SYNE1: variants seen among roughly 807,000 people sequenced by gnomAD.
SYNE1 encodes the protein nesprin-1.
Under a neutral mutation model 1,111.0 loss-of-function variants are expected in SYNE1, and 616 were observed. That is an observed-to-expected ratio of 0.55 (90% CI 0.52 to 0.59). The LOEUF (loss-of-function observed/expected upper bound fraction) is 0.59, where lower values mean the gene tolerates loss of function less well. Among genes scored for constraint, SYNE1 ranks in the 20% least tolerant of loss-of-function variants. The pLI is 0.00. For missense variants in SYNE1, 10,006 were observed against 10,417.0 expected (o/e 0.96, Z 1.72); for synonymous variants, 3,855 against 3,825.8 (o/e 1.01, Z -0.28).
chr6:152,543,728 G>C (rs1168283213), intron 3 of SYNE1, among the ~76,000 whole-genome samples: 1 of 152,182 alleles, frequency 6.6e-6, no homozygotes, highest in Non-Finnish European at 1.5e-5. Flanking sequence ...CAGTTGTCTA[G>C]TGATGTCCTG....
rs148522587 is a variant in SYNE1, at chr6:152,358,506, C to T, written c.10475G>A (p.Arg3492His). Residue 3492 changes from arginine (R) to histidine (H), a missense_variant, in exon 66 of 146, where the codon CGC becomes CAC. Around this residue, in one of 7 missense-constraint regions of SYNE1, gnomAD observed 4,955 missense variants for 5,017.2 expected, o/e 0.99. Coordinates refer to ENST00000367255, the MANE Select transcript of SYNE1 (RefSeq NM_182961.4). ...EAVTKSEKLV[R>H]LHQEYQRDLK... ...GTCTCTCTGATACTCTTGGTGCAGG[C>T]GGACAAGTTTTTCAGACTTGGTTAC... is the stretch of plus-strand genomic sequence containing the variant. 2.5e-4 allele frequency: 404 copies of T among 1,613,926 alleles called. No homozygotes were observed. Among genetic ancestry groups the T allele is most frequent in the East Asian group, 4.2e-4 (19 of 44,884 alleles).
At chr6:152,546,592 G>A (rs1222486226) in intron 3 of SYNE1, 1 of 152,212 alleles carries the variant, frequency 6.6e-6, no homozygotes, top group African/African-American at 2.4e-5. Flanking sequence ...TGAATAAGAA[G>A]TCACTTGGAG....
intron 74 of SYNE1, 138 bp downstream of exon 74, chr6:152,343,943 G>A: frequency 8.0e-7 from 1 of 1,242,782 alleles, no homozygotes; most frequent in Non-Finnish European, 1.1e-6. Context: ...AACTCCACTA[G>A]AGCCAACCTC....
At position 152,325,064 on chromosome 6, in the gene SYNE1, C is replaced by T. The variant is rs760828694; in HGVS notation, c.15657+20G>A. ...AATTAGTGAGGAAAGAAAGGTGAGC[C>T]CATGGACAGTGGAAACTACCTTGTT... On this transcript the variant is annotated intron_variant, in intron 81 of 145. Coordinates refer to ENST00000367255, the MANE Select transcript of SYNE1 (RefSeq NM_182961.4). The T allele has an allele frequency of 8.7e-6, 14 of 1,612,292 alleles. No homozygotes were observed. The highest frequency in any genetic ancestry group is 2.2e-5 in the East Asian group (1 of 44,876).
At chr6:152,578,435 A>G (rs2099508733) in intron 3 of SYNE1, among the ~76,000 whole-genome samples, 1 of 152,118 alleles carries the variant, frequency 6.6e-6, no homozygotes, top group Non-Finnish European at 1.5e-5. Flanking sequence ...TTTCCACAAA[A>G]AATACAAAAA....
intron 71 of SYNE1, 69 bp downstream of exon 71, chr6:152,350,549 G>C: frequency 6.2e-7 from 1 of 1,600,582 alleles, no homozygotes; most frequent in South Asian, 1.1e-5. Context: ...TTACATGACA[G>C]AGAGAAAGGA....
chr6:152,126,574 T>C (rs2053527974), intron 145 of SYNE1: 2 of 152,168 alleles, frequency 1.3e-5, no homozygotes, highest in South Asian at 2.1e-4. Flanking sequence ...ATATATCAGA[T>C]AGTTCTGTCC....
At chr6:152,495,793 C>T (rs959265920) in intron 11 of SYNE1, among the ~76,000 whole-genome samples, 3 of 152,234 alleles carry the variant, frequency 2.0e-5, no homozygotes, top group Admixed American at 2.0e-4. Context: ...CAGCAGGGGC[C>T]ACGTGCATCA....
chr6:152,182,416 C>A (rs185594016), intron 128 of SYNE1, among the ~76,000 whole-genome samples: 1 of 152,028 alleles, frequency 6.6e-6, no homozygotes, highest in Non-Finnish European at 1.5e-5. Flanking sequence ...TTTATTTTAC[C>A]CCCAACATTT....
chr6:152,197,243 G>C (rs560664828), intron 127 of SYNE1, among the ~76,000 whole-genome samples: 2 of 152,318 alleles, frequency 1.3e-5, no homozygotes, highest in African/African-American at 4.8e-5. Flanking sequence ...TTGCTCACCT[G>C]ATTTTTTATT....
Position 152,461,617 on chromosome 6 carries a change from GC to G in SYNE1, c.2373del (p.Lys791AsnfsTer6). ...CGCACCTTGGTTAGCTGCTCTTTGA[GC>G]TTTGACATGGTCGCAAACATTTCTT... ...EGKEMFATMSKLKEQLTKVKE... is the reference protein window; with the variant it reads ...EGKEMFATMSXLKEQLTKVKE... On this transcript the variant is annotated frameshift_variant, in exon 21 of 146. Transcript: ENST00000367255. LOFTEE classifies it high-confidence loss of function. 1 of 1,613,998 alleles carries G rather than the reference GC, an allele frequency of 6.2e-7. No homozygotes were observed.
chr6:152,586,028 G>A (rs1353113878), intron 3 of SYNE1, among the ~76,000 whole-genome samples: 2 of 152,046 alleles, frequency 1.3e-5, no homozygotes, highest in Non-Finnish European at 2.9e-5. Context: ...ATGATGACAT[G>A]AATATTCTCA....
intron 3 of SYNE1, among the ~76,000 whole-genome samples, chr6:152,581,364 C>G (rs772462080): frequency 6.6e-6 from 1 of 152,172 alleles, no homozygotes; most frequent in Admixed American, 6.5e-5. Flanking sequence ...CAGAGAGAGA[C>G]CAGAAGTCTC....
chr6:152,468,858 C>T (rs1488455492), intron 16 of SYNE1, among the ~76,000 whole-genome samples: 1 of 152,118 alleles, frequency 6.6e-6, no homozygotes, highest in Non-Finnish European at 1.5e-5. Flanking sequence ...TCACTGCAGC[C>T]GTGAACTCCA....
Position 152,456,063 on chromosome 6 carries a change from C to G in SYNE1, c.2569-19G>C, listed in dbSNP as rs748967260. ...ACAGTTCCTATAACGAAATGAAACC[C>G]CACAACAATGTTATTTACAAGACAG... On this transcript the variant is annotated intron_variant, in intron 22 of 145. Transcript: ENST00000367255. 5 of 1,609,622 alleles carry G rather than the reference C, an allele frequency of 3.1e-6. No homozygotes were observed. In the South Asian group the frequency reaches 5.5e-5, roughly 18 times the overall value.
intron 52 of SYNE1, 130 bp downstream of exon 52, chr6:152,391,143 CCCAA>C: frequency 7.6e-7 from 1 of 1,320,934 alleles, no homozygotes; most frequent in Admixed American, 1.9e-5. Context: ...TCCTTTTTTG[CCCAA>C]TTTCTCCATT....
chr6:152,524,587 C>T (rs2099154839), intron 5 of SYNE1, among the ~76,000 whole-genome samples: 1 of 151,934 alleles, frequency 6.6e-6, no homozygotes, highest in African/African-American at 2.4e-5. Context: ...ATATACATTC[C>T]AAATTGCCTG....
chr6:152,469,302 A>G (rs2098790985), intron 16 of SYNE1, among the ~76,000 whole-genome samples: 3 of 152,094 alleles, frequency 2.0e-5, no homozygotes, highest in Non-Finnish European at 4.4e-5. Context: ...CCCTAGAAAA[A>G]TTCCTACCAT....
rs762665527 is a variant in SYNE1, at chr6:152,231,493, A to G, written c.20937T>C (p.Ser6979=). The part of the protein sequence containing the change: ...FVNQSVLQIS[S]QDVESKRSDK... The stretch of plus-strand genomic sequence containing the variant: ...CACTACGCTTACTTTCCACATCCTG[A>G]CTGCTGATTTGTAGCACGGACTGGT... Residue 6979 remains serine (S), a synonymous_variant, in exon 114 of 146, where the codon AGT becomes AGC. Transcript: ENST00000367255. The G allele has an allele frequency of 8.1e-6, 13 of 1,613,990 alleles. No homozygotes were observed. The East Asian group carries it at 2.9e-4, about 36-fold the overall frequency.
Sources: gnomAD v4.1 joint callset for allele counts (sites outside exome capture counted in the v4.1 genomes callset) on GRCh38, gnomAD v4.1.1 for gene constraint, gnomAD v4.1.1 regional missense constraint, MANE v1.5 for transcripts, NCBI Gene and HGNC (gene_info 2026-07-23, HGNC 2026-07-21) for gene names.